Variants in TMEM250 observed in about 807,000 individuals in gnomAD.
TMEM250 encodes herpes virus UL25-binding protein.
A neutral mutation model predicts 7.0 loss-of-function variants in TMEM250; 7 were observed. The observed-to-expected ratio is 1.00, with a 90% CI of 0.57 to 1.87. TMEM250 has a LOEUF of 1.87. Among genes scored for constraint, TMEM250 ranks in the 40% most tolerant of loss-of-function variants. TMEM250 has a pLI of 0.00. For synonymous variants in TMEM250, 135 were observed against 96.7 expected, an observed-to-expected ratio of 1.40 and a Z score of -2.32; for missense variants, 196 against 202.5, an observed-to-expected ratio of 0.97 and a Z score of 0.19.
chr9:136,116,813 C>T lies in TMEM250; in HGVS notation c.88G>A (p.Ala30Thr), dbSNP rs373479265. Residue 30 changes from alanine (A) to threonine (T), a missense_variant, in exon 2 of 2, where the codon GCC (alanine) becomes ACC (threonine). Physicochemically the swap from Ala to Thr is moderately conservative, Grantham distance 58. Transcript: ENST00000418388. The stretch of plus-strand genomic sequence containing the variant: ...TACTTGGTGCGGGCCAGGTGGGAGG[C>T]GCGCACGGGCCCGCAGGCCGCATGC... ...CLHAACGPVR[A>T]SHLARTKYNN... 2.6e-4 allele frequency: 419 copies of T among 1,610,094 alleles called. 4 individuals are homozygous for T. The East Asian group carries it at 8.7e-3, about 33-fold the overall frequency.
rs911504530 is a variant in TMEM250, at chr9:136,115,477, G to A, written c.*1004C>T. The stretch of plus-strand genomic sequence containing the variant: ...ATACCTGGGGCTCTAAGATGCTGCT[G>A]GTGCCACACAGGCTCTGGGGCTGTG... On this transcript the variant is annotated 3_prime_UTR_variant, in exon 2 of 2. Transcript: ENST00000418388. 6.6e-6 allele frequency: 1 copy of A among 152,312 alleles called. No homozygotes were observed. Among genetic ancestry groups the A allele is most frequent in the African/African-American group, 2.4e-5 (1 of 41,442 alleles). The allele number at this position is 152,312 out of a possible 1,614,324, so 9.4% of individuals were successfully genotyped here. A position where few individuals can be genotyped will look rare whatever the true frequency, so the allele number is the denominator to read the frequency against.
chr9:136,116,329 A>T lies in TMEM250; in HGVS notation c.*152T>A. ...TAGGGGTGGTGTCCGCGCCCCCATCACAGAAGTCTCAGCCCTTTCTTTTCT... is the reference window on the plus strand; with the variant it reads ...TAGGGGTGGTGTCCGCGCCCCCATCTCAGAAGTCTCAGCCCTTTCTTTTCT... On this transcript the variant is annotated 3_prime_UTR_variant, in exon 2 of 2. Transcript: ENST00000418388. 7.1e-7 allele frequency: 1 copy of T among 1,414,956 alleles called. No individual in the cohort carries two copies. 87.7% of individuals were successfully genotyped at this position (1,414,956 alleles called of 1,614,324 possible).
rs1588598496 is a variant in TMEM250 at position 136,117,028 on chromosome 9, C to T, written c.-124-4G>A. 4 of 1,339,544 alleles carry T rather than the reference C, an allele frequency of 3.0e-6. No homozygotes were observed. Among genetic ancestry groups the T allele is most frequent in the African/African-American group, 3.1e-5 (2 of 64,122 alleles). 83.0% of individuals were successfully genotyped at this position (1,339,544 alleles called of 1,614,324 possible). ...GACCCTGGGGGGAGGCGTCGGCCTG[C>T]GGGGAGAGCCGCAAAACCCACGTCA... On this transcript the variant is annotated splice_polypyrimidine_tract_variant and splice_region_variant and intron_variant, in intron 1 of 1. Coordinates refer to ENST00000418388, the MANE Select transcript of TMEM250 (RefSeq NM_152833.3).
In TMEM250 at chr9:136,116,251, TG is replaced by T; in HGVS notation, c.*229del. ...CATGTGAGCAGGAGCCACCGGCAGG[TG>T]GGCGCTGCCCCTGAGAGTGCATACG... is the stretch of plus-strand genomic sequence containing the variant. On this transcript the variant is annotated 3_prime_UTR_variant, in exon 2 of 2. Coordinates refer to ENST00000418388, the MANE Select transcript of TMEM250 (RefSeq NM_152833.3). The T allele has an allele frequency of 3.6e-6, 3 of 822,606 alleles. No homozygotes were observed. The highest frequency in any genetic ancestry group is 5.4e-6 in the Non-Finnish European group (3 of 557,144). The allele number at this position is 822,606 out of a possible 1,614,324, so 51.0% of individuals were successfully genotyped here.
rs1355266102 is a variant in TMEM250, at chr9:136,115,899, A to G, written c.*582T>C. On this transcript the variant is annotated 3_prime_UTR_variant, in exon 2 of 2. Coordinates refer to ENST00000418388, the MANE Select transcript of TMEM250 (RefSeq NM_152833.3). ...AAGGCTGGCTGGGGACTCAGGACCC[A>G]CACAGCCCCTCAGGATGACACACAC... The G allele has an allele frequency of 2.6e-6, 1 of 390,380 alleles. No homozygotes were observed. The highest frequency in any genetic ancestry group is 4.5e-6 in the Non-Finnish European group (1 of 221,360). The allele number at this position is 390,380 out of a possible 1,614,324, so 24.2% of individuals were successfully genotyped here.
In TMEM250 at chr9:136,116,390, G is replaced by C. The variant is rs1830700614; in HGVS notation, c.*91C>G. On this transcript the variant is annotated 3_prime_UTR_variant, in exon 2 of 2. Coordinates refer to ENST00000418388, the MANE Select transcript of TMEM250 (RefSeq NM_152833.3). Reference sequence around the variant, plus strand: ...GCCGGGCAGCAGCGACTGCCTGGGGGATGGGCGAAGGGAAGGCGCTGGCCG... The same window carrying C: ...GCCGGGCAGCAGCGACTGCCTGGGGCATGGGCGAAGGGAAGGCGCTGGCCG... 7.0e-7 allele frequency: 1 copy of C among 1,436,826 alleles called. No homozygotes were observed. Among genetic ancestry groups the C allele is most frequent in the Admixed American group, 2.8e-5 (1 of 35,964 alleles). The allele number at this position is 1,436,826 out of a possible 1,614,324, so 89.0% of individuals were successfully genotyped here. A position where few individuals can be genotyped will look rare whatever the true frequency, so the allele number is the denominator to read the frequency against.
At position 136,116,671 on chromosome 9, in the gene TMEM250, A is replaced by T. The variant is rs1353184487; in HGVS notation, c.230T>A (p.Phe77Tyr). Reference protein sequence around the residue: ...AALWGALAALFCLQYLGVRVL... With the variant: ...AALWGALAALYCLQYLGVRVL... Reference sequence around the variant, plus strand: ...GCGAACGCCCAGGTACTGTAGGCAGAAGAGGGCGGCCAGCGCACCCCAGAG... The same window carrying T: ...GCGAACGCCCAGGTACTGTAGGCAGTAGAGGGCGGCCAGCGCACCCCAGAG... The change falls in exon 2 of 2, where the codon TTC (phenylalanine) becomes TAC (tyrosine). Residue 77 changes from phenylalanine (F) to tyrosine (Y), a missense_variant. Coordinates refer to ENST00000418388, the MANE Select transcript of TMEM250 (RefSeq NM_152833.3). 8.1e-6 allele frequency: 13 copies of T among 1,612,146 alleles called. No homozygotes were observed. The highest frequency in any genetic ancestry group is 1.1e-5 in the Non-Finnish European group (13 of 1,179,726).
chr9:136,117,105 G>A (rs887367517), intron 1 of TMEM250, 81 bp from the exon 2 acceptor site: 2 of 814,836 alleles, frequency 2.5e-6, no homozygotes, highest in Non-Finnish European at 1.7e-6. Context: ...GGCGAAAGTG[G>A]ACACAAACTC....
chr9:136,118,438 C>CCCTGGAGACGGCCCCCGCCTAGG (rs1830759150), intron 1 of TMEM250, 47 bp downstream of exon 1: 1 of 151,740 alleles, frequency 6.6e-6, no homozygotes, highest in East Asian at 1.9e-4. Context: ...CCGCGCGTTG[C>CCCTGGAGACGGCCCCCGCCTAGG]CCTGGAGACG....
At chr9:136,118,121 C>A (rs1189499785) in intron 1 of TMEM250, 1 of 152,254 alleles carries the variant, frequency 6.6e-6, no homozygotes, top group Admixed American at 6.5e-5. Context: ...GGGGCCAGAG[C>A]GGCCCTATTT....
At position 136,116,643 on chromosome 9, in the gene TMEM250, G is replaced by T; in HGVS notation, c.258C>A (p.Val86=). The T allele has an allele frequency of 6.2e-7, 1 of 1,610,870 alleles. No individual in the cohort carries two copies. The highest frequency in any genetic ancestry group is 1.1e-5 in the South Asian group (1 of 91,078). The change falls in exon 2 of 2, where the codon GTC becomes GTA. Residue 86 remains valine (V), a synonymous_variant. Transcript: ENST00000418388. ...LFCLQYLGVR[V]LLRFQRKLSV... is the part of the protein sequence containing the mutation. ...ACAGCTTGCGCTGGAAGCGCAGCAG[G>T]ACGCGAACGCCCAGGTACTGTAGGC...
rs1830771329 is a variant in TMEM250 at position 136,118,858 on chromosome 9, C to T, written c.-498G>A. 6.6e-6 allele frequency: 1 copy of T among 152,206 alleles called. No homozygotes were observed. Among genetic ancestry groups the T allele is most frequent in the South Asian group, 2.1e-4 (1 of 4,836 alleles). 9.4% of individuals were successfully genotyped at this position (152,206 alleles called of 1,614,324 possible). On this transcript the variant is annotated 5_prime_UTR_variant, in exon 1 of 2. Coordinates refer to ENST00000418388, the MANE Select transcript of TMEM250 (RefSeq NM_152833.3). ...CGCGCTGGGCGTCCCGGACTCGTCG[C>T]TTCCCGAGGGCGTGCGTGCGTGCGT...
chr9:136,114,820 C>A lies in TMEM250; in HGVS notation c.*1661G>T. The A allele has an allele frequency of 6.6e-6, 1 of 152,204 alleles. No individual in the cohort carries two copies. The highest frequency in any genetic ancestry group is 2.1e-4 in the South Asian group (1 of 4,834). 9.4% of individuals were successfully genotyped at this position (152,204 alleles called of 1,614,324 possible). A position where few individuals can be genotyped will look rare whatever the true frequency, so the allele number is the denominator to read the frequency against. On this transcript the variant is annotated 3_prime_UTR_variant, in exon 2 of 2. Transcript: ENST00000418388. ...AATACGTTAACAAAAAACAAAGCTT[C>A]TTTGAGGAAACAGCATGACTTAGTG... is the stretch of plus-strand genomic sequence containing the variant.
rs1240906599 is a variant in TMEM250, at chr9:136,116,800, G to A, written c.101C>T (p.Ala34Val). 1 of 1,611,902 alleles carries A rather than the reference G, an allele frequency of 6.2e-7. No homozygotes were observed. The highest frequency in any genetic ancestry group is 2.2e-5 in the East Asian group (1 of 44,888). The change falls in exon 2 of 2, where the codon GCC becomes GTC. Residue 34 changes from alanine to valine, a missense_variant. Coordinates refer to ENST00000418388, the MANE Select transcript of TMEM250 (RefSeq NM_152833.3). ...GTCGAAGTTGTTGTACTTGGTGCGG[G>A]CCAGGTGGGAGGCGCGCACGGGCCC... ...ACGPVRASHLARTKYNNFDVY... is the reference protein window; with the variant it reads ...ACGPVRASHLVRTKYNNFDVY...
rs1200247015 is a variant in TMEM250 at position 136,116,870 on chromosome 9, G to A, written c.31C>T (p.Arg11Cys). Residue 11 changes from arginine to cysteine, a missense_variant, in exon 2 of 2, where the codon CGC becomes TGC. By Grantham distance (180) the Arg-to-Cys change is radical. Coordinates refer to ENST00000418388, the MANE Select transcript of TMEM250 (RefSeq NM_152833.3). MPVMPIPRRV[R>C]SFHGPHTTCL... ...GTGGTGTGCGGGCCGTGGAAGGAGC[G>A]CACCCGCCGCGGAATGGGCATGACC... 1.9e-6 allele frequency: 3 copies of A among 1,559,520 alleles called. No homozygotes were observed. The highest frequency in any genetic ancestry group is 1.7e-6 in the Non-Finnish European group (2 of 1,153,504).
In TMEM250 at chr9:136,114,887, A is replaced by T. The variant is rs577834300; in HGVS notation, c.*1594T>A. 2.7e-4 allele frequency: 41 copies of T among 152,382 alleles called. 1 individual carries two copies. Among genetic ancestry groups the T allele is most frequent in the African/African-American group, 9.9e-4 (41 of 41,590 alleles). The allele number at this position is 152,382 out of a possible 1,614,324, so 9.4% of individuals were successfully genotyped here. ...GCAAGAAATGAGGCCCACGCAGGGA[A>T]GCTCCCGCCTACCTGCCCAGGGCGT... On this transcript the variant is annotated 3_prime_UTR_variant, in exon 2 of 2. Transcript: ENST00000418388.
In TMEM250 at chr9:136,116,807, G is replaced by A; in HGVS notation, c.94C>T (p.His32Tyr). Residue 32 changes from histidine (H) to tyrosine (Y), a missense_variant, in exon 2 of 2, where the codon CAC (histidine) becomes TAC (tyrosine). Transcript: ENST00000418388. ...TTGTTGTACTTGGTGCGGGCCAGGT[G>A]GGAGGCGCGCACGGGCCCGCAGGCC... The part of the protein sequence containing the change: ...HAACGPVRAS[H>Y]LARTKYNNFD... 6.2e-7 allele frequency: 1 copy of A among 1,611,562 alleles called. No individual in the cohort carries two copies. Among genetic ancestry groups the A allele is most frequent in the Non-Finnish European group, 8.5e-7 (1 of 1,179,462 alleles).
At position 136,116,918 on chromosome 9, in the gene TMEM250, G is replaced by A. The variant is rs1435061174; in HGVS notation, c.-18C>T. On this transcript the variant is annotated 5_prime_UTR_variant, in exon 2 of 2. Coordinates refer to ENST00000418388, the MANE Select transcript of TMEM250 (RefSeq NM_152833.3). ...ACCGGCATTGGGCCCCGGCGGCGGC[G>A]GCGCTAGGTCGCAGTGGCGGCGGCG... The A allele has an allele frequency of 2.7e-6, 4 of 1,469,268 alleles. No homozygotes were observed. Among genetic ancestry groups the A allele is most frequent in the African/African-American group, 1.4e-5 (1 of 69,050 alleles). 91.0% of individuals were successfully genotyped at this position (1,469,268 alleles called of 1,614,324 possible). A position where few individuals can be genotyped will look rare whatever the true frequency, so the allele number is the denominator to read the frequency against.
chr9:136,118,352 A>G (rs1830756566), intron 1 of TMEM250, 133 bp downstream of exon 1: 1 of 152,058 alleles, frequency 6.6e-6, no homozygotes, highest in Non-Finnish European at 1.5e-5. Context: ...ACTCCGCGTG[A>G]GCACCGGGCC....
Sources: allele counts gnomAD v4.1 joint callset, GRCh38; gene constraint gnomAD v4.1.1; transcripts MANE v1.5; gene names NCBI Gene and HGNC (gene_info 2026-07-23, HGNC 2026-07-21).